The following NCALD variants were observed in gnomAD, a reference collection of about 807,000 sequenced individuals.
The protein encoded by NCALD is neurocalcin delta, also known as neurocalcin-delta.
NCALD carries 10 observed loss-of-function variants against 18.6 expected under a neutral mutation model. The observed-to-expected ratio is 0.54, with a 90% CI of 0.33 to 0.91. The LOEUF is 0.91. Among genes scored for constraint, NCALD ranks in the 40% least tolerant of loss-of-function variants. The pLI, the probability that NCALD is intolerant of heterozygous loss-of-function variation, is 0.03. For missense variants in NCALD, 184 were observed against 247.6 expected (o/e 0.74, Z 1.72); for synonymous variants, 88 against 87.4 (o/e 1.01, Z -0.04).
chr8:101,730,013 A>G (rs1816745421), intron 1 of NCALD, among the ~76,000 whole-genome samples: 1 of 152,218 alleles, frequency 6.6e-6, no homozygotes, highest in Non-Finnish European at 1.5e-5. Flanking sequence ...AAAGGGATGT[A>G]AAAATGAGAA....
At chr8:101,943,417 T>A (rs1819034181) in intron 2 of NCALD, among the ~76,000 whole-genome samples, 1 of 152,222 alleles carries the variant, frequency 6.6e-6, no homozygotes, top group Non-Finnish European at 1.5e-5. Context: ...TCCCCGTTCC[T>A]CTTATCAGGA....
chr8:101,772,043 C>T (rs1030331160), intron 1 of NCALD, among the ~76,000 whole-genome samples: 3 of 151,728 alleles, frequency 2.0e-5, no homozygotes, highest in African/African-American at 4.8e-5. Flanking sequence ...AATGAGGCCA[C>T]ATCCCACAGA....
chr8:102,013,472 C>A (rs1021409024), intron 2 of NCALD, among the ~76,000 whole-genome samples: 1 of 152,148 alleles, frequency 6.6e-6, no homozygotes, highest in African/African-American at 2.4e-5. Flanking sequence ...ATATGCCCAA[C>A]TTAAAGACAC....
chr8:102,039,561 A>G (rs1166378192), intron 1 of NCALD, among the ~76,000 whole-genome samples: 2 of 152,172 alleles, frequency 1.3e-5, no homozygotes, highest in East Asian at 3.9e-4. Context: ...AATAGGAACT[A>G]AGATTCTGGA....
intron 1 of NCALD, among the ~76,000 whole-genome samples, chr8:102,089,074 A>G (rs985043460): frequency 4.6e-5 from 7 of 152,176 alleles, no homozygotes; most frequent in African/African-American, 1.7e-4. Flanking sequence ...CCTGGGGTCC[A>G]CCCTGAAGCC....
At chr8:101,996,370 A>G (rs1238783403) in intron 2 of NCALD, among the ~76,000 whole-genome samples, 1 of 152,242 alleles carries the variant, frequency 6.6e-6, no homozygotes, top group African/African-American at 2.4e-5. Flanking sequence ...CACATCAAGT[A>G]TAATTCCTGA....
At chr8:101,950,858 T>C (rs1819388093) in intron 2 of NCALD, among the ~76,000 whole-genome samples, 1 of 152,226 alleles carries the variant, frequency 6.6e-6, no homozygotes, top group Admixed American at 6.5e-5. Flanking sequence ...CCAGCTCTTG[T>C]AGCTGTAACA....
chr8:102,086,850 T>G (rs1824754866), intron 1 of NCALD, among the ~76,000 whole-genome samples: 1 of 152,110 alleles, frequency 6.6e-6, no homozygotes, highest in African/African-American at 2.4e-5. Context: ...TAAAACAGGT[T>G]GCAGTAAAGA....
intron 1 of NCALD, among the ~76,000 whole-genome samples, chr8:101,744,520 T>C (rs1810348115): frequency 6.6e-6 from 1 of 152,270 alleles, no homozygotes; most frequent in African/African-American, 2.4e-5. Flanking sequence ...AATGAGTTTT[T>C]ATCTTTTATC....
chr8:101,790,556 T>C (rs1185514953), intron 1 of NCALD, among the ~76,000 whole-genome samples: 5 of 152,224 alleles, frequency 3.3e-5, no homozygotes, highest in African/African-American at 7.2e-5. Flanking sequence ...GAAGGGAGGA[T>C]TCCTGGAATT....
intron 4 of NCALD, among the ~76,000 whole-genome samples, chr8:101,834,053 T>C (rs1814303282): frequency 6.6e-6 from 1 of 152,164 alleles, no homozygotes; most frequent in Non-Finnish European, 1.5e-5. Flanking sequence ...CTTTTCTCCA[T>C]AACTGGCAAC....
intron 1 of NCALD, among the ~76,000 whole-genome samples, chr8:102,122,145 C>A (rs1825962072): frequency 6.6e-6 from 1 of 152,156 alleles, no homozygotes; most frequent in Non-Finnish European, 1.5e-5. Flanking sequence ...ATGCAGCCTG[C>A]TGGAAGGCAG....
chr8:101,847,335 A>T, intron 4 of NCALD: 2 of 248,392 alleles, frequency 8.1e-6, no homozygotes, highest in South Asian at 1.2e-4. Context: ...ACACCCAATT[A>T]TCACGCTCAT....
chr8:101,854,033 T>C (rs923539601), intron 4 of NCALD, among the ~76,000 whole-genome samples: 5 of 152,204 alleles, frequency 3.3e-5, no homozygotes, highest in African/African-American at 1.2e-4. Context: ...ATGTCAGATA[T>C]AACATCCGCT....
At chr8:102,122,278 T>C (rs543621051) in intron 1 of NCALD, among the ~76,000 whole-genome samples, 1 of 152,278 alleles carries the variant, frequency 6.6e-6, no homozygotes, top group South Asian at 2.1e-4. Context: ...GCTTGGGAGA[T>C]GAGGTTAATG....
intron 3 of NCALD, among the ~76,000 whole-genome samples, chr8:101,908,797 A>G (rs1395298862): frequency 1.3e-5 from 2 of 152,224 alleles, no homozygotes; most frequent in African/African-American, 4.8e-5. Context: ...CTCAAGCTGT[A>G]AAGTGATAAT....
intron 4 of NCALD, among the ~76,000 whole-genome samples, chr8:101,805,920 T>C (rs1401155601): frequency 6.6e-6 from 1 of 152,204 alleles, no homozygotes; most frequent in Non-Finnish European, 1.5e-5. Context: ...TTAAATAATT[T>C]ATGCCCAAGA....
intron 4 of NCALD, among the ~76,000 whole-genome samples, chr8:101,884,379 C>T (rs987607731): frequency 6.6e-6 from 1 of 152,210 alleles, no homozygotes; most frequent in African/African-American, 2.4e-5. Context: ...GCCTTCCTAT[C>T]CCTATTAATA....
intron 3 of NCALD, among the ~76,000 whole-genome samples, chr8:101,900,876 T>A (rs375426561): frequency 1.3e-5 from 2 of 152,064 alleles, no homozygotes; most frequent in Non-Finnish European, 2.9e-5. Flanking sequence ...GTCTTCTCTA[T>A]GTTTGCTGGT....
Sources: gnomAD v4.1 joint callset for allele counts (sites outside exome capture counted in the v4.1 genomes callset) on GRCh38, gnomAD v4.1.1 for gene constraint, MANE v1.5 for transcripts, NCBI Gene and HGNC (gene_info 2026-07-23, HGNC 2026-07-21) for gene names.